Variants in PIK3R6 observed in about 807,000 individuals in gnomAD.
PIK3R6 encodes the protein phosphoinositide-3-kinase regulatory subunit 6.
Under a neutral mutation model 84.9 loss-of-function variants are expected in PIK3R6, and 91 were observed. The ratio of observed to expected loss-of-function variants is 1.07; its 90% CI spans 0.90 to 1.28. The LOEUF is 1.28. Among genes scored for constraint, PIK3R6 ranks in the 50% most tolerant of loss-of-function variants. PIK3R6 has a pLI of 0.00. For missense variants in PIK3R6, 996 were observed against 985.1 expected, an observed-to-expected ratio of 1.01 and a Z score of -0.15; for synonymous variants, 416 against 411.4, an observed-to-expected ratio of 1.01 and a Z score of -0.13.
At chr17:8,818,415 G>A (rs1478682811) in intron 18 of PIK3R6, among the ~76,000 whole-genome samples, 2 of 152,174 alleles carry the variant, frequency 1.3e-5, no homozygotes, top group Admixed American at 6.5e-5. Context: ...TTGGGAGGCT[G>A]CGGCAGGTGC....
chr17:8,817,574 G>A (rs561317452), intron 18 of PIK3R6, among the ~76,000 whole-genome samples: 26 of 152,266 alleles, frequency 1.7e-4, no homozygotes, highest in Middle Eastern at 3.4e-3. Flanking sequence ...CCAGGGAGTC[G>A]GAGGTTGCAG....
intron 2 of PIK3R6, among the ~76,000 whole-genome samples, chr17:8,849,178 C>A (rs890093994): frequency 2.0e-5 from 3 of 152,228 alleles, no homozygotes; most frequent in Non-Finnish European, 4.4e-5. Context: ...CTCCAAGCCT[C>A]AGTTTACCTC....
rs1378094627 is a variant in PIK3R6 at position 8,829,612 on chromosome 17, ACACACGCATG to A, written c.889+84_889+93del. Reference sequence around the variant, plus strand: ...CACACACTCATGCATACACACACTGACACACGCATGCACACTGACACACACTCATGCACGC... The same window carrying A: ...CACACACTCATGCATACACACACTGACACACTGACACACACTCATGCACGC... On this transcript the variant is annotated intron_variant, in intron 10 of 19. Coordinates refer to ENST00000619866, the MANE Select transcript of PIK3R6 (RefSeq NM_001010855.4). 2.4e-6 allele frequency: 3 copies of A among 1,269,544 alleles called. No homozygotes were observed. The African/African-American group carries it at 4.6e-5, about 19-fold the overall frequency. The allele number at this position is 1,269,544 out of a possible 1,614,324, so 78.6% of individuals were successfully genotyped here. A position where few individuals can be genotyped will look rare whatever the true frequency, so the allele number is the denominator to read the frequency against.
intron 17 of PIK3R6, 92 bp downstream of exon 17, chr17:8,821,754 G>C: frequency 1.5e-6 from 2 of 1,343,404 alleles, no homozygotes; most frequent in Non-Finnish European, 2.1e-6. Flanking sequence ...TGACTGAGAG[G>C]GCTCCCCCTT....
At chr17:8,814,191 C>CCACTCTTT in intron 18 of PIK3R6, among the ~76,000 whole-genome samples, 1 of 141,462 alleles carries the variant, frequency 7.1e-6, no homozygotes, top group African/African-American at 2.6e-5. Flanking sequence ...TTTTAGTGCT[C>CCACTCTTT]CACTCTTTAG....
At chr17:8,837,722 T>A (rs2088526856) in intron 5 of PIK3R6, 81 bp downstream of exon 5, 2 of 1,242,040 alleles carry the variant, frequency 1.6e-6, no homozygotes, top group Non-Finnish European at 2.3e-6. Context: ...TGGCGGAGAC[T>A]GAGTGCCCAC....
In PIK3R6 at chr17:8,827,265, C is replaced by A; in HGVS notation, c.1422G>T (p.Leu474=). 6.4e-7 allele frequency: 1 copy of A among 1,567,936 alleles called. No individual in the cohort carries two copies. Among genetic ancestry groups the A allele is most frequent in the Non-Finnish European group, 8.6e-7 (1 of 1,156,784 alleles). Reference sequence around the variant, plus strand: ...GGCCCAGGAACGTAGCCAGCTCTCCCAGCTCCGGCTGCCTGGATGCTGCAG... The same window carrying A: ...GGCCCAGGAACGTAGCCAGCTCTCCAAGCTCCGGCTGCCTGGATGCTGCAG... ...EKPAASRQPE[L]GELATFLGRV... is the part of the protein sequence containing the mutation. The change falls in exon 13 of 20, where the codon CTG becomes CTT. Residue 474 remains leucine (L), a synonymous_variant. Transcript: ENST00000619866.
At chr17:8,834,156 CAAAAAAAAA>C (rs71135927) in intron 8 of PIK3R6, among the ~76,000 whole-genome samples, 5 of 46,462 alleles carry the variant, frequency 1.1e-4, no homozygotes, top group East Asian at 1.2e-3. Flanking sequence ...GACTTCGTCT[CAAAAAAAAA>C]AAAAAAAAAA....
At chr17:8,836,676 T>C (rs2088477978) in intron 6 of PIK3R6, 60 bp from the exon 7 acceptor site, 1 of 1,613,188 alleles carries the variant, frequency 6.2e-7, no homozygotes, top group African/African-American at 1.3e-5. Flanking sequence ...ATTCTCCACC[T>C]TCCTACAGAA....
In PIK3R6 at chr17:8,846,552, G is replaced by A. The variant is rs570268371; in HGVS notation, c.13+3230C>T. 3.8e-3 allele frequency among the ~76,000 whole-genome samples: 571 copies of A among 152,142 alleles called. 2 individuals carry two copies. Among genetic ancestry groups the A allele is most frequent in the African/African-American group, 6.7e-3 (276 of 41,496 alleles). ...GTTGAATCTGCAGATTGCTTTGGGC[G>A]GTATGGACATTTTAACAATATTGAT... On this transcript the variant is annotated intron_variant, in intron 2 of 19. Coordinates refer to ENST00000619866, the MANE Select transcript of PIK3R6 (RefSeq NM_001010855.4).
At chr17:8,813,236 T>A (rs377635341) in intron 18 of PIK3R6, among the ~76,000 whole-genome samples, 1 of 151,596 alleles carries the variant, frequency 6.6e-6, no homozygotes. Context: ...TAATGAGTAA[T>A]GAAATTGAAT....
chr17:8,817,069 A>T (rs1005986573), intron 18 of PIK3R6, among the ~76,000 whole-genome samples: 11 of 152,256 alleles, frequency 7.2e-5, no homozygotes, highest in African/African-American at 9.6e-5. Context: ...AAATACTGAC[A>T]TATGCTTAAT....
At chr17:8,829,575 C>A in intron 10 of PIK3R6, 131 bp downstream of exon 10, 1 of 968,268 alleles carries the variant, frequency 1.0e-6, no homozygotes, top group Non-Finnish European at 1.6e-6. Flanking sequence ...CATACACACA[C>A]AGACACACTG....
chr17:8,860,713 C>T (rs2089260066), intron 1 of PIK3R6, among the ~76,000 whole-genome samples: 1 of 152,110 alleles, frequency 6.6e-6, no homozygotes, highest in African/African-American at 2.4e-5. Flanking sequence ...ACACCAGACC[C>T]ACAATCTCGT....
intron 1 of PIK3R6, among the ~76,000 whole-genome samples, chr17:8,863,389 A>G (rs2089325898): frequency 1.3e-5 from 2 of 152,168 alleles, no homozygotes; most frequent in African/African-American, 4.8e-5. Flanking sequence ...TTACTCTCTT[A>G]GTAATTGTGA....
chr17:8,858,149 T>TGAG (rs2089187403), intron 1 of PIK3R6, among the ~76,000 whole-genome samples: 3 of 152,146 alleles, frequency 2.0e-5, no homozygotes, highest in Admixed American at 1.3e-4. Context: ...CCCCAGGGGA[T>TGAG]GAGCTTGCAC....
In PIK3R6 at chr17:8,803,676, C is replaced by T. The variant is rs761761876; in HGVS notation, c.2109-247G>A. 18 of 547,286 alleles carry T rather than the reference C, an allele frequency of 3.3e-5. No individual in the cohort carries two copies. The highest frequency in any genetic ancestry group is 2.1e-4 in the African/African-American group (11 of 52,614). 33.9% of individuals were successfully genotyped at this position (547,286 alleles called of 1,614,324 possible). On this transcript the variant is annotated intron_variant, in intron 19 of 19. Transcript: ENST00000619866. The surrounding 1 kb of genome is among the most constrained non-coding windows in gnomAD (Gnocchi z 5.0). ...GCCTCCCTTACCCAAACACACCTCC[C>T]GAGGGGAAGCCAGTAAGGGTCAGCT...
intron 4 of PIK3R6, 191 bp downstream of exon 4, chr17:8,838,373 A>C (rs2088554941): frequency 3.7e-6 from 2 of 544,222 alleles, no homozygotes; most frequent in South Asian, 4.6e-5. Flanking sequence ...ATGTTTATTC[A>C]AGTAAAACAA....
At chr17:8,847,284 C>A (rs1421113298) in intron 2 of PIK3R6, among the ~76,000 whole-genome samples, 1 of 152,184 alleles carries the variant, frequency 6.6e-6, no homozygotes, top group Non-Finnish European at 1.5e-5. Flanking sequence ...CCAGCCTACA[C>A]CTGATCCTCC....
Sources: gnomAD v4.1 joint callset for allele counts (sites outside exome capture counted in the v4.1 genomes callset) on GRCh38, gnomAD v4.1.1 for gene constraint, Gnocchi (gnomAD v3.1) non-coding constraint, MANE v1.5 for transcripts, NCBI Gene and HGNC (gene_info 2026-07-23, HGNC 2026-07-21) for gene names.